Variants in KIF1A observed in about 807,000 individuals in gnomAD.
The protein encoded by KIF1A is kinesin family member 1A, also known as kinesin-like protein KIF1A.
A neutral mutation model predicts 227.3 loss-of-function variants in KIF1A; 46 were observed. The ratio of observed to expected loss-of-function variants is 0.20; its 90% CI spans 0.16 to 0.26. The LOEUF (loss-of-function observed/expected upper bound fraction) is 0.26, where lower values mean the gene tolerates loss of function less well. Ranked by LOEUF, KIF1A falls within the 10% of genes least tolerant of loss-of-function variation. The probability of loss-of-function intolerance (pLI) is 1.00; values close to 1 mark genes in which losing one functional copy is unlikely to be tolerated. For synonymous variants in KIF1A, 1,022 were observed against 1,012.8 expected (o/e 1.01, Z -0.17); for missense variants, 1,683 against 2,485.9 (o/e 0.68, Z 6.87).
In KIF1A at chr2:240,743,949, C is replaced by G. The variant is rs768492405; in HGVS notation, c.3577G>C (p.Val1193Leu). 6.2e-7 allele frequency: 1 copy of G among 1,611,620 alleles called. No individual in the cohort carries two copies. Residue 1193 changes from valine to leucine, a missense_variant, in exon 33 of 49, where the codon GTG becomes CTG. Transcript: ENST00000498729. Reference sequence around the variant, plus strand: ...CCGACCCAGGGCGCTAACCTGAGCACGTCCTTGCAGAGGGGCGGGAACGGG... The same window carrying G: ...CCGACCCAGGGCGCTAACCTGAGCAGGTCCTTGCAGAGGGGCGGGAACGGG... ...QHPFPPLCKD[V>L]LSPLRPSRRH... is the part of the protein sequence containing the mutation.
At chr2:240,719,511 C>T (rs1320486581) in intron 46 of KIF1A, among the ~76,000 whole-genome samples, 1 of 152,252 alleles carries the variant, frequency 6.6e-6, no homozygotes, top group Non-Finnish European at 1.5e-5. Flanking sequence ...TTGGCTCTGA[C>T]CCCACCCACT....
chr2:240,801,887 T>C (rs2057004093), intron 1 of KIF1A, among the ~76,000 whole-genome samples: 1 of 152,232 alleles, frequency 6.6e-6, no homozygotes, highest in Admixed American at 6.5e-5. Flanking sequence ...GATATTTTTG[T>C]TGTATCAGCT....
At chr2:240,811,466 A>G (rs973878444) in intron 1 of KIF1A, among the ~76,000 whole-genome samples, 13 of 152,330 alleles carry the variant, frequency 8.5e-5, no homozygotes, top group Middle Eastern at 3.4e-3. Context: ...GGGTGGCCAG[A>G]GCCTATGGGC....
rs370526072 is a variant in KIF1A, at chr2:240,726,628, C to T, written c.4122+198G>A. Among the ~76,000 whole-genome samples the T allele has an allele frequency of 1.5e-3, 221 of 152,202 alleles. No individual in the cohort carries two copies. The highest frequency in any genetic ancestry group is 4.9e-3 in the African/African-American group (203 of 41,528). On this transcript the variant is annotated intron_variant, in intron 39 of 48. Transcript: ENST00000498729. The surrounding 1 kb of genome is among the most constrained non-coding windows in gnomAD (Gnocchi z 5.2). ...TCTCAAAAACAAAAAAAAAACAGCACATGGATTTATGGATTTATGGATTCA... is the reference window on the plus strand; with the variant it reads ...TCTCAAAAACAAAAAAAAAACAGCATATGGATTTATGGATTTATGGATTCA...
chr2:240,724,713 G>A (rs3755529), intron 40 of KIF1A: 4,222 of 158,636 alleles, frequency 0.027, 84 homozygotes, highest in Middle Eastern at 0.057. Context: ...AATCAGGAGC[G>A]TGTTCAGCAC....
In KIF1A at chr2:240,819,601, T is replaced by A. The variant is rs529123322; in HGVS notation, c.-61+521A>T. Among the ~76,000 whole-genome samples, 10 of 136,250 alleles carry A rather than the reference T, an allele frequency of 7.3e-5. No homozygotes were observed. The South Asian group carries it at 2.3e-3, about 32-fold the overall frequency. 89.4% of individuals were successfully genotyped at this position (136,250 alleles called of 152,430 possible). A position where few individuals can be genotyped will look rare whatever the true frequency, so the allele number is the denominator to read the frequency against. ...AGCAGCTGCCCGCGCCCGGCCGCCC[T>A]GCGCGCTCTCCCCTCGGGCCGAGGC... On this transcript the variant is annotated intron_variant, in intron 1 of 48. Coordinates refer to ENST00000498729, the MANE Select transcript of KIF1A (RefSeq NM_001244008.2).
rs75037816 is a variant in KIF1A at position 240,775,513 on chromosome 2, G to A, written c.958+338C>T. On this transcript the variant is annotated intron_variant, in intron 11 of 48. Transcript: ENST00000498729. This position sits in a 1 kb window ranked among gnomAD's most constrained non-coding sequence, Gnocchi z 5.5. ...CTCCCAGATCGCGTCCCAGGTCCCC[G>A]TGACTGATGGGGAAACCAAGGCCCA... 8.3e-3 allele frequency among the ~76,000 whole-genome samples: 1,271 copies of A among 152,302 alleles called. 20 individuals are homozygous for A. Among genetic ancestry groups the A allele is most frequent in the African/African-American group, 0.03 (1,234 of 41,564 alleles).
intron 1 of KIF1A, among the ~76,000 whole-genome samples, chr2:240,804,004 A>G (rs1212443752): frequency 6.6e-6 from 1 of 152,226 alleles, no homozygotes; most frequent in African/African-American, 2.4e-5. Context: ...GTGGTAGCTC[A>G]TGCCTGTAAT....
Position 240,717,422 on chromosome 2 carries a change from G to C in KIF1A, c.5334-16C>G, listed in dbSNP as rs777787746. On this transcript the variant is annotated splice_polypyrimidine_tract_variant and intron_variant, in intron 48 of 48. Transcript: ENST00000498729. ...GAGCTTGGACCTGCAGAAGAGTTGG[G>C]AGAGGCGGCGTGGTCAGGCCAGGAA... is the stretch of plus-strand genomic sequence containing the variant. 1 of 1,609,718 alleles carries C rather than the reference G, an allele frequency of 6.2e-7. No individual in the cohort carries two copies. Among genetic ancestry groups the C allele is most frequent in the African/African-American group, 1.3e-5 (1 of 74,918 alleles).
intron 1 of KIF1A, among the ~76,000 whole-genome samples, chr2:240,817,367 G>A (rs1041745583): frequency 1.1e-4 from 16 of 152,188 alleles, no homozygotes; most frequent in African/African-American, 3.6e-4. Context: ...TGGGTGGTGA[G>A]CCACATCCTT....
At chr2:240,759,456 C>T (rs899094576) in intron 25 of KIF1A, among the ~76,000 whole-genome samples, 2 of 152,192 alleles carry the variant, frequency 1.3e-5, no homozygotes, top group African/African-American at 4.8e-5. Context: ...CAACTAGGGA[C>T]AGCCCTATGC....
At position 240,721,146 on chromosome 2, in the gene KIF1A, C is replaced by T. The variant is rs963190754; in HGVS notation, c.4744-108G>A. The T allele has an allele frequency of 7.3e-6, 10 of 1,376,376 alleles. No homozygotes were observed. The African/African-American group carries it at 1.1e-4, about 16-fold the overall frequency. The allele number at this position is 1,376,376 out of a possible 1,614,324, so 85.3% of individuals were successfully genotyped here. A position where few individuals can be genotyped will look rare whatever the true frequency, so the allele number is the denominator to read the frequency against. ...TACCCCACACCTGCTGCTTAGGGCA[C>T]CCCACCCCTCCTACCAGCAGCCTTG... On this transcript the variant is annotated intron_variant, in intron 44 of 48. Coordinates refer to ENST00000498729, the MANE Select transcript of KIF1A (RefSeq NM_001244008.2).
intron 38 of KIF1A, among the ~76,000 whole-genome samples, chr2:240,735,446 C>G (rs1281793345): frequency 6.6e-6 from 1 of 152,184 alleles, no homozygotes; most frequent in African/African-American, 2.4e-5. Flanking sequence ...ACCTCAGAAA[C>G]TCAGCCCTCT....
intron 1 of KIF1A, among the ~76,000 whole-genome samples, chr2:240,813,190 C>A (rs1308413425): frequency 1.3e-5 from 2 of 152,258 alleles, no homozygotes; most frequent in African/African-American, 4.8e-5. Flanking sequence ...AGAATTACAA[C>A]CGATTGTCAT....
chr2:240,724,325 C>CA, intron 40 of KIF1A: 1 of 490,992 alleles, frequency 2.0e-6, no homozygotes, highest in Non-Finnish European at 3.7e-6. Flanking sequence ...AAGTGGGGTA[C>CA]AGGCAACATG....
At chr2:240,770,244 A>G (rs1441078136) in intron 15 of KIF1A, among the ~76,000 whole-genome samples, 1 of 152,148 alleles carries the variant, frequency 6.6e-6, no homozygotes, top group African/African-American at 2.4e-5. Flanking sequence ...CTGCCCCTGC[A>G]CAGCCATTCA....
At chr2:240,720,778 C>G in intron 45 of KIF1A, 136 bp downstream of exon 45, 1 of 1,088,496 alleles carries the variant, frequency 9.2e-7, no homozygotes, top group African/African-American at 1.6e-5. Context: ...CCAGGCCCTT[C>G]CCTCAGCCTG....
Position 240,757,486 on chromosome 2 carries a change from G to A in KIF1A, c.2691C>T (p.Ala897=), listed in dbSNP as rs1325310855. Residue 897 remains alanine, a synonymous_variant, in exon 27 of 49, where the codon GCC becomes GCT. Transcript: ENST00000498729. The surrounding 1 kb of genome is among the most constrained non-coding windows in gnomAD (Gnocchi z 6.2). ...CGCTCTGCTCCTCGGCAGGCTCGGT[G>A]GCGTCGGAGTCGGGGCTCGAGAAGG... ...SPTFSSPDSD[A]TEPAEEQSVG... is the part of the protein sequence containing the mutation. The A allele has an allele frequency of 6.4e-6, 10 of 1,550,554 alleles. No homozygotes were observed. The highest frequency in any genetic ancestry group is 2.0e-5 in the Admixed American group (1 of 50,990).
intron 47 of KIF1A, 81 bp downstream of exon 47, chr2:240,718,925 G>A (rs763297815): frequency 4.3e-5 from 51 of 1,180,126 alleles, no homozygotes; most frequent in African/African-American, 2.7e-4. Context: ...CTGCTCTGAC[G>A]CAGGGCTGCA....
Sources: gnomAD v4.1 joint callset for allele counts (sites outside exome capture counted in the v4.1 genomes callset) on GRCh38, gnomAD v4.1.1 for gene constraint, Gnocchi (gnomAD v3.1) non-coding constraint, MANE v1.5 for transcripts, NCBI Gene and HGNC (gene_info 2026-07-23, HGNC 2026-07-21) for gene names.